EDARADD: variants seen among roughly 807,000 people sequenced by gnomAD.
The protein encoded by EDARADD is ectodysplasin-A receptor-associated adapter protein.
Under a neutral mutation model 25.6 loss-of-function variants are expected in EDARADD, and 20 were observed. That is an observed-to-expected ratio of 0.78 (90% CI 0.55 to 1.14). EDARADD has a LOEUF of 1.14. EDARADD is among the 50% of genes most tolerant of loss of function. The pLI is 0.00. For missense variants in EDARADD, 225 were observed against 270.1 expected (o/e 0.83, Z 1.17); for synonymous variants, 86 against 94.4 (o/e 0.91, Z 0.52).
In EDARADD at chr1:236,383,623, A is replaced by T. The variant is rs150124203; in HGVS notation, c.-5-25593A>T. On this transcript the variant is annotated intron_variant, in intron 3 of 7. Coordinates refer to the EDARADD transcript ENST00000439430. Reference sequence around the variant, plus strand: ...AGACAAAGTTGACATGTATCCATTTACAAAGGAATTACATGTAGTTATAGA... The same window carrying T: ...AGACAAAGTTGACATGTATCCATTTTCAAAGGAATTACATGTAGTTATAGA... Among the ~76,000 whole-genome samples the T allele has an allele frequency of 2.0e-5, 3 of 152,356 alleles. No homozygotes were observed. The East Asian group carries it at 5.8e-4, about 29-fold the overall frequency.
At chr1:236,438,633 C>A (rs1431502440) in intron 4 of EDARADD, among the ~76,000 whole-genome samples, 1 of 152,148 alleles carries the variant, frequency 6.6e-6, no homozygotes, top group Non-Finnish European at 1.5e-5. Flanking sequence ...TTTCCCACTC[C>A]CTGCAAATCA....
chr1:236,394,732 G>A (rs192897320), intron 1 of EDARADD, among the ~76,000 whole-genome samples: 5 of 152,224 alleles, frequency 3.3e-5, no homozygotes, highest in Admixed American at 3.3e-4. Flanking sequence ...CCTATAATAG[G>A]CTTATGATGG....
rs895843011 is a variant in EDARADD at position 236,381,886 on chromosome 1, C to G, written c.-5-27330C>G. Among the ~76,000 whole-genome samples the G allele has an allele frequency of 2.0e-4, 27 of 133,982 alleles. 1 individual carries two copies. The highest frequency in any genetic ancestry group is 7.3e-4 in the African/African-American group (27 of 37,080). 87.9% of individuals were successfully genotyped at this position (133,982 alleles called of 152,430 possible). On this transcript the variant is annotated intron_variant, in intron 3 of 7. Coordinates refer to the EDARADD transcript ENST00000439430. The stretch of plus-strand genomic sequence containing the variant: ...CCTGAAACTCTTGGGCTCAAGCCAT[C>G]CTACAGTCACAGCCTCCAGAGTAAC...
At chr1:236,362,863 T>A (rs1286628454) in intron 3 of EDARADD, among the ~76,000 whole-genome samples, 2 of 151,008 alleles carry the variant, frequency 1.3e-5, no homozygotes, top group Admixed American at 1.3e-4. Flanking sequence ...TGTGTGGATC[T>A]ACTTCTTAAA....
At chr1:236,394,071 A>T (rs1360450833), upstream of EDARADD, among the ~76,000 whole-genome samples, 1 of 152,238 alleles carries the variant, frequency 6.6e-6, no homozygotes, top group South Asian at 2.1e-4. Context: ...TGATAAAAAC[A>T]TGAATTACAT....
chr1:236,465,453 A>G (rs1659161862), intron 4 of EDARADD, among the ~76,000 whole-genome samples: 1 of 152,132 alleles, frequency 6.6e-6, no homozygotes, highest in Non-Finnish European at 1.5e-5. Flanking sequence ...CCTTTGCTTA[A>G]GACTAAATGC....
At chr1:236,376,054 C>T (rs1428685817) in intron 3 of EDARADD, among the ~76,000 whole-genome samples, 1 of 151,488 alleles carries the variant, frequency 6.6e-6, no homozygotes, top group East Asian at 2.0e-4. Flanking sequence ...CCTTCTTCAG[C>T]CTCCCAAGTG....
chr1:236,419,317 C>T (rs1449383896), intron 3 of EDARADD, among the ~76,000 whole-genome samples: 1 of 152,106 alleles, frequency 6.6e-6, no homozygotes, highest in African/African-American at 2.4e-5. Context: ...TCGTTTGAGC[C>T]TGGGAGTTCG....
At chr1:236,447,178 TTC>T (rs1363956258) in intron 4 of EDARADD, among the ~76,000 whole-genome samples, 2,768 of 79,070 alleles carry the variant, frequency 0.035, 107 homozygotes, top group African/African-American at 0.15. Context: ...CCCTCTTTCT[TTC>T]TTTCTTTCTT....
rs569948285 is a variant in EDARADD at position 236,419,455 on chromosome 1, C to T, written c.160+5156C>T. Among the ~76,000 whole-genome samples, 214 of 150,104 alleles carry T rather than the reference C, an allele frequency of 1.4e-3. 4 individuals are homozygous for T. The highest frequency in any genetic ancestry group is 5.0e-3 in the African/African-American group (207 of 41,326). On this transcript the variant is annotated intron_variant, in intron 3 of 5. Coordinates refer to ENST00000334232, the MANE Select transcript of EDARADD (RefSeq NM_145861.4). ...TCAACTTCTCGTAGTGGGAAAAAAG[C>T]ACTTTAAAGAAATCTGGGTTAATAA...
intron 4 of EDARADD, among the ~76,000 whole-genome samples, chr1:236,429,219 A>ATTT (rs754804481): frequency 0.014 from 1,662 of 122,116 alleles, 53 homozygotes; most frequent in African/African-American, 0.049. Context: ...AGAGGGAGAG[A>ATTT]TTTTTTTTTT....
intron 4 of EDARADD, among the ~76,000 whole-genome samples, chr1:236,457,854 G>A (rs1658919273): frequency 6.6e-6 from 1 of 151,374 alleles, no homozygotes; most frequent in South Asian, 2.1e-4. Flanking sequence ...TCAGGCCAAA[G>A]GGCAAAAATG....
chr1:236,447,272 C>T (rs1658589442), intron 4 of EDARADD, among the ~76,000 whole-genome samples: 1 of 135,052 alleles, frequency 7.4e-6, no homozygotes, highest in Non-Finnish European at 1.6e-5. Flanking sequence ...TTCTTTCTTT[C>T]TTCTTGATGG....
At chr1:236,418,035 G>T (rs1230299101) in intron 3 of EDARADD, among the ~76,000 whole-genome samples, 6 of 147,758 alleles carry the variant, frequency 4.1e-5, no homozygotes, top group Non-Finnish European at 7.4e-5. Flanking sequence ...CTCACTGCAA[G>T]CTCTGCCTCC....
intron 1 of EDARADD, among the ~76,000 whole-genome samples, chr1:236,397,235 C>A (rs1381082002): frequency 6.6e-6 from 1 of 151,762 alleles, no homozygotes; most frequent in Non-Finnish European, 1.5e-5. Flanking sequence ...CATAGTGAGA[C>A]CCTGACTCTA....
rs140382978 is a variant in EDARADD at position 236,427,130 on chromosome 1, C to T, written c.161-262C>T. ...CTCCCAACCTCAGGTGATCCGCCTG[C>T]CCCTGTCTCTTATTTTAAAAAAATA... On this transcript the variant is annotated intron_variant, in intron 3 of 5. Coordinates refer to ENST00000334232, the MANE Select transcript of EDARADD (RefSeq NM_145861.4). 5.9e-5 allele frequency among the ~76,000 whole-genome samples: 9 copies of T among 152,264 alleles called. No homozygotes were observed. In the East Asian group the frequency reaches 1.7e-3, roughly 29 times the overall value.
chr1:236,484,354 C>G lies in EDARADD; in HGVS notation c.*1705C>G. ...TGACCTGGGCAGCTCAAGACTGGTGCCCCTTGCTGATCTGAGCGCTTGGCC... is the reference window on the plus strand; with the variant it reads ...TGACCTGGGCAGCTCAAGACTGGTGGCCCTTGCTGATCTGAGCGCTTGGCC... On this transcript the variant is annotated 3_prime_UTR_variant, in exon 6 of 6. Transcript: ENST00000334232. This position sits in a 1 kb window ranked among gnomAD's most constrained non-coding sequence, Gnocchi z 4.1. The G allele has an allele frequency of 2.0e-6, 3 of 1,494,460 alleles. No homozygotes were observed. Among genetic ancestry groups the G allele is most frequent in the Non-Finnish European group, 2.8e-6 (3 of 1,071,656 alleles). 92.6% of individuals were successfully genotyped at this position (1,494,460 alleles called of 1,614,324 possible). A position where few individuals can be genotyped will look rare whatever the true frequency, so the allele number is the denominator to read the frequency against.
intron 3 of EDARADD, among the ~76,000 whole-genome samples, chr1:236,422,724 G>A (rs574050880): frequency 1.3e-5 from 2 of 152,202 alleles, no homozygotes; most frequent in African/African-American, 2.4e-5. Flanking sequence ...TCTGCAAGAG[G>A]GGTGACTTTT....
intron 4 of EDARADD, among the ~76,000 whole-genome samples, chr1:236,466,820 A>G (rs1571953369): frequency 6.6e-6 from 1 of 152,138 alleles, no homozygotes; most frequent in Non-Finnish European, 1.5e-5. Context: ...TGTAATCCCA[A>G]CACTTTGGGA....
Sources: gnomAD v4.1 joint callset for allele counts (sites outside exome capture counted in the v4.1 genomes callset) on GRCh38, gnomAD v4.1.1 for gene constraint, Gnocchi (gnomAD v3.1) non-coding constraint, MANE v1.5 for transcripts, NCBI Gene and HGNC (gene_info 2026-07-23, HGNC 2026-07-21) for gene names.